Variants in SLC15A5 observed in about 807,000 individuals in gnomAD.
SLC15A5 encodes the protein Peptide/histidine transporter ENSP00000340402.
In SLC15A5, 58 loss-of-function variants were observed where a neutral mutation model predicts 56.1. That is an observed-to-expected ratio of 1.03 (90% CI 0.84 to 1.29). The LOEUF is 1.29. SLC15A5 is among the 50% of genes most tolerant of loss of function. The pLI, the probability that SLC15A5 is intolerant of heterozygous loss-of-function variation, is 0.00. For synonymous variants in SLC15A5, 264 were observed against 250.5 expected, an observed-to-expected ratio of 1.05 and a Z score of -0.51; for missense variants, 681 against 672.1, an observed-to-expected ratio of 1.01 and a Z score of -0.15.
At position 16,257,721 on chromosome 12, in the gene SLC15A5, A is replaced by C. The variant is rs1392562591; in HGVS notation, c.734T>G (p.Leu245Arg). The change falls in exon 3 of 9, where the codon CTA becomes CGA. Residue 245 changes from leucine (L) to arginine (R), a missense_variant. Coordinates refer to ENST00000344941, the MANE Select transcript of SLC15A5 (RefSeq NM_001170798.1). ...VITLHMIYYN[L>R]IYQSEKRCSL... The stretch of plus-strand genomic sequence containing the variant: ...CTTACGTTTTTCTGACTGATAAATT[A>C]GGTTGTAGTATATCATATGAAGAGT... 1 of 1,476,196 alleles carries C rather than the reference A, an allele frequency of 6.8e-7. No homozygotes were observed. Among genetic ancestry groups the C allele is most frequent in the Non-Finnish European group, 8.9e-7 (1 of 1,124,244 alleles). 91.4% of individuals were successfully genotyped at this position (1,476,196 alleles called of 1,614,324 possible).
intron 7 of SLC15A5, among the ~76,000 whole-genome samples, chr12:16,215,519 T>C (rs1002023782): frequency 6.6e-6 from 1 of 152,188 alleles, no homozygotes; most frequent in African/African-American, 2.4e-5. Context: ...AAGGTTATCT[T>C]ACAAAACCTT....
At chr12:16,197,822 C>T (rs565718823) in intron 7 of SLC15A5, among the ~76,000 whole-genome samples, 1 of 151,960 alleles carries the variant, frequency 6.6e-6, no homozygotes, top group Non-Finnish European at 1.5e-5. Flanking sequence ...CAGTTGACTC[C>T]GCTCTTAGGT....
At chr12:16,218,148 A>G (rs1406355307) in intron 6 of SLC15A5, among the ~76,000 whole-genome samples, 1 of 152,168 alleles carries the variant, frequency 6.6e-6, no homozygotes, top group African/African-American at 2.4e-5. Flanking sequence ...AGTTTTGGCT[A>G]TGAGTTGAAA....
chr12:16,226,432 G>C (rs1864241996), intron 5 of SLC15A5, among the ~76,000 whole-genome samples: 1 of 151,998 alleles, frequency 6.6e-6, no homozygotes, highest in South Asian at 2.1e-4. Flanking sequence ...TATCATCCTA[G>C]ATAACTTTCA....
chr12:16,228,393 G>A (rs1194128993), intron 5 of SLC15A5, among the ~76,000 whole-genome samples: 1 of 152,106 alleles, frequency 6.6e-6, no homozygotes, highest in African/African-American at 2.4e-5. Context: ...TGTAAGAAAA[G>A]GTTTCAAGGA....
intron 7 of SLC15A5, among the ~76,000 whole-genome samples, chr12:16,198,855 C>A (rs1232993401): frequency 6.6e-6 from 1 of 152,102 alleles, no homozygotes; most frequent in African/African-American, 2.4e-5. Context: ...CAGTTTATTT[C>A]TCTTCTATCT....
chr12:16,270,792 T>C (rs544206288), intron 2 of SLC15A5, among the ~76,000 whole-genome samples: 10 of 152,218 alleles, frequency 6.6e-5, no homozygotes, highest in African/African-American at 2.4e-4. Context: ...CCCCGCACTG[T>C]GTACAGGAAT....
intron 5 of SLC15A5, among the ~76,000 whole-genome samples, chr12:16,231,612 G>A (rs1864300744): frequency 1.3e-5 from 2 of 152,206 alleles, no homozygotes; most frequent in African/African-American, 4.8e-5. Context: ...GCACTGAACA[G>A]TGAAATTGTC....
intron 6 of SLC15A5, among the ~76,000 whole-genome samples, chr12:16,223,607 T>C (rs1007662763): frequency 3.3e-5 from 5 of 152,220 alleles, no homozygotes; most frequent in African/African-American, 1.2e-4. Context: ...TCTAGTGTAA[T>C]TTAATTCAAA....
rs1197108123 is a variant in SLC15A5 at position 16,196,306 on chromosome 12, G to A, written c.1484-1853C>T. Among the ~76,000 whole-genome samples the A allele has an allele frequency of 6.6e-6, 1 of 152,036 alleles. No homozygotes were observed. The highest frequency in any genetic ancestry group is 1.5e-5 in the Non-Finnish European group (1 of 67,990). On this transcript the variant is annotated intron_variant, in intron 7 of 8. Transcript: ENST00000344941. The surrounding 1 kb of genome is among the most constrained non-coding windows in gnomAD (Gnocchi z 4.0). ...TCTGGTGTTTAGATGAGTAAATGAA[G>A]TTCACTGAATGTTTCTCTATAAGTC...
chr12:16,222,081 G>A (rs937756961), intron 6 of SLC15A5, among the ~76,000 whole-genome samples: 5 of 152,092 alleles, frequency 3.3e-5, no homozygotes, highest in Non-Finnish European at 7.4e-5. Context: ...TGTGGTTTTT[G>A]CCATTACTTT....
intron 5 of SLC15A5, among the ~76,000 whole-genome samples, chr12:16,236,792 A>G (rs1021182082): frequency 1.3e-5 from 2 of 152,194 alleles, no homozygotes; most frequent in African/African-American, 4.8e-5. Flanking sequence ...GTGATGACAA[A>G]AGGAGTTTTT....
At chr12:16,247,228 G>T (rs540103124) in intron 3 of SLC15A5, among the ~76,000 whole-genome samples, 51 of 152,202 alleles carry the variant, frequency 3.4e-4, no homozygotes, top group African/African-American at 1.2e-3. Flanking sequence ...AAATAAAATT[G>T]TATCAGATAT....
At chr12:16,246,377 A>G (rs529012746) in intron 3 of SLC15A5, among the ~76,000 whole-genome samples, 44 of 152,290 alleles carry the variant, frequency 2.9e-4, no homozygotes, top group Non-Finnish European at 5.9e-4. Flanking sequence ...AGCTATTTCA[A>G]TTAGTTTACT....
At chr12:16,254,223 C>G (rs1274321198) in intron 3 of SLC15A5, among the ~76,000 whole-genome samples, 4 of 151,860 alleles carry the variant, frequency 2.6e-5, no homozygotes, top group Admixed American at 2.6e-4. Flanking sequence ...AAGACCCTGT[C>G]TTTGAAATAA....
intron 1 of SLC15A5, among the ~76,000 whole-genome samples, chr12:16,273,733 T>C (rs1189621938): frequency 2.2e-5 from 1 of 45,712 alleles, no homozygotes; most frequent in Non-Finnish European, 4.0e-5. Context: ...AGTAGTCAAA[T>C]AAATTTTTTT....
chr12:16,215,880 G>A (rs1026516076), intron 7 of SLC15A5, among the ~76,000 whole-genome samples: 11 of 152,098 alleles, frequency 7.2e-5, no homozygotes, highest in Non-Finnish European at 1.0e-4. Context: ...TTTCCTGAGG[G>A]CTTGCAAGTG....
intron 5 of SLC15A5, among the ~76,000 whole-genome samples, chr12:16,238,353 C>T (rs879641166): frequency 2.8e-4 from 42 of 152,140 alleles, no homozygotes; most frequent in Non-Finnish European, 5.3e-4. Flanking sequence ...GTTGGCCGGG[C>T]GTGGTGGCTC....
At chr12:16,261,238 T>G (rs943648457) in intron 2 of SLC15A5, among the ~76,000 whole-genome samples, 2 of 152,198 alleles carry the variant, frequency 1.3e-5, no homozygotes, top group Admixed American at 6.5e-5. Flanking sequence ...CTCTTACCCC[T>G]TCTCATTTCC....
Sources: gnomAD v4.1 joint callset for allele counts (sites outside exome capture counted in the v4.1 genomes callset) on GRCh38, gnomAD v4.1.1 for gene constraint, Gnocchi (gnomAD v3.1) non-coding constraint, MANE v1.5 for transcripts, NCBI Gene and HGNC (gene_info 2026-07-23, HGNC 2026-07-21) for gene names.